The following SPINK6 variants were observed in gnomAD, a reference collection of about 807,000 sequenced individuals.
SPINK6 encodes the protein serine protease inhibitor Kazal-type 6.
In SPINK6, 13 loss-of-function variants were observed where a neutral mutation model predicts 11.7. That is an observed-to-expected ratio of 1.11 (90% confidence interval 0.72 to 1.76). The LOEUF (loss-of-function observed/expected upper bound fraction) is 1.76, where lower values mean the gene tolerates loss of function less well. Ranked by LOEUF, SPINK6 falls within the 40% of genes most tolerant of loss-of-function variation. The probability of loss-of-function intolerance (pLI) is 0.00; values close to 1 mark genes in which losing one functional copy is unlikely to be tolerated. For synonymous variants in SPINK6, 21 were observed against 31.9 expected, an observed-to-expected ratio of 0.66 and a Z score of 1.15; for missense variants, 98 against 93.7, an observed-to-expected ratio of 1.05 and a Z score of -0.19.
At chr5:148,207,856 A>T (rs896683087) in intron 2 of SPINK6, among the ~76,000 whole-genome samples, 1 of 152,126 alleles carries the variant, frequency 6.6e-6, no homozygotes, top group African/African-American at 2.4e-5. Flanking sequence ...AGATGGGCCA[A>T]AGTCTTATAG....
At chr5:148,205,579 C>T (rs1175027976) in intron 1 of SPINK6, among the ~76,000 whole-genome samples, 2 of 152,148 alleles carry the variant, frequency 1.3e-5, no homozygotes, top group Non-Finnish European at 2.9e-5. Flanking sequence ...GAACAAACTA[C>T]AAGCTTAATC....
intron 2 of SPINK6, among the ~76,000 whole-genome samples, chr5:148,210,203 T>C (rs62646182): frequency 9.9e-5 from 8 of 80,626 alleles, no homozygotes; most frequent in Non-Finnish European, 1.7e-4. Context: ...TGCATGCATA[T>C]GTATTTCTGC....
At chr5:148,203,240 G>C (rs1430219427) in intron 1 of SPINK6, 86 bp downstream of exon 1, 9 of 1,006,012 alleles carry the variant, frequency 8.9e-6, no homozygotes, top group Admixed American at 2.5e-5. Flanking sequence ...AAATCCTAAT[G>C]ATTTTGATGT....
chr5:148,209,009 A>G (rs911338809), intron 2 of SPINK6, among the ~76,000 whole-genome samples: 9 of 152,316 alleles, frequency 5.9e-5, no homozygotes, highest in African/African-American at 2.2e-4. Context: ...ATTTTCTGTT[A>G]CAATACTTTT....
rs550735909 is a variant in SPINK6 at position 148,214,330 on chromosome 5, A to G, written c.197+305A>G. 2.3e-3 allele frequency among the ~76,000 whole-genome samples: 344 copies of G among 152,268 alleles called. 2 individuals are homozygous for G. Among genetic ancestry groups the G allele is most frequent in the African/African-American group, 7.4e-3 (308 of 41,574 alleles). ...TAACTTATTATATTTAATAATTTTG[A>G]TATGTTTTAATGTTTTCATTTGTTT... On this transcript the variant is annotated intron_variant, in intron 3 of 3. Transcript: ENST00000325630.
At chr5:148,212,746 C>CAATATATAGTTTATAT (rs1755628749) in intron 2 of SPINK6, among the ~76,000 whole-genome samples, 1 of 123,236 alleles carries the variant, frequency 8.1e-6, no homozygotes, top group African/African-American at 3.1e-5. Flanking sequence ...TATATTTATA[C>CAATATATAGTTTATAT]ATTTTATATA....
intron 2 of SPINK6, among the ~76,000 whole-genome samples, chr5:148,213,003 T>C (rs1755632812): frequency 6.7e-6 from 1 of 149,622 alleles, no homozygotes; most frequent in African/African-American, 2.4e-5. Context: ...TTAGTATCTA[T>C]ATACTTTAGA....
At chr5:148,211,766 G>C (rs1370158681) in intron 2 of SPINK6, among the ~76,000 whole-genome samples, 1 of 152,150 alleles carries the variant, frequency 6.6e-6, no homozygotes, top group Non-Finnish European at 1.5e-5. Context: ...TATGCCACTT[G>C]ATTGATTTGC....
At chr5:148,212,671 T>C (rs1253616731) in intron 2 of SPINK6, among the ~76,000 whole-genome samples, 15 of 106,176 alleles carry the variant, frequency 1.4e-4, no homozygotes, top group African/African-American at 6.3e-4. Context: ...TATATTTATA[T>C]AATATATATT....
intron 2 of SPINK6, among the ~76,000 whole-genome samples, chr5:148,209,991 T>TACAAACGTACGTATGTATGTATAC (rs1398978551): frequency 6.9e-6 from 1 of 145,404 alleles, no homozygotes; most frequent in Admixed American, 6.8e-5. Flanking sequence ...TATGTATACA[T>TACAAACGTACGTATGTATGTATAC]ATACACGTAT....
chr5:148,212,231 T>C (rs1329691502), intron 2 of SPINK6, among the ~76,000 whole-genome samples: 2 of 151,890 alleles, frequency 1.3e-5, no homozygotes, highest in Non-Finnish European at 2.9e-5. Flanking sequence ...ATAACATATG[T>C]TCTCAACAAT....
At chr5:148,207,087 ATG>A (rs760572108) in intron 2 of SPINK6, among the ~76,000 whole-genome samples, 2 of 152,018 alleles carry the variant, frequency 1.3e-5, no homozygotes, top group African/African-American at 4.8e-5. Context: ...ACATGCACAC[ATG>A]TGTGTTGGCA....
At chr5:148,208,062 T>TG (rs1755523423) in intron 2 of SPINK6, among the ~76,000 whole-genome samples, 1 of 152,196 alleles carries the variant, frequency 6.6e-6, no homozygotes, top group African/African-American at 2.4e-5. Context: ...TGGGAAGCAT[T>TG]GGCTCTGGAG....
At chr5:148,204,581 T>C (rs1755473665) in intron 1 of SPINK6, among the ~76,000 whole-genome samples, 1 of 151,384 alleles carries the variant, frequency 6.6e-6, no homozygotes, top group African/African-American at 2.4e-5. Context: ...TTTATAGCTT[T>C]GTGAACTCTC....
At chr5:148,212,510 TTATA>T (rs1001193891) in intron 2 of SPINK6, among the ~76,000 whole-genome samples, 1 of 116,988 alleles carries the variant, frequency 8.5e-6, no homozygotes, top group African/African-American at 3.2e-5. Flanking sequence ...AGTATATATT[TTATA>T]TATATAAAGT....
intron 2 of SPINK6, among the ~76,000 whole-genome samples, chr5:148,209,979 T>TACATACATATGTAC (rs1554112238): frequency 6.9e-6 from 1 of 145,506 alleles, no homozygotes; most frequent in East Asian, 2.1e-4. Context: ...TACGTACGTA[T>TACATACATATGTAC]GTATGTATAC....
chr5:148,214,993 C>T lies in SPINK6; in HGVS notation c.*43C>T. ...TTGGTGACTTGCCAGCTTTTGCAGC[C>T]TTCTTTTCTCACTTCTGCTTATACT... On this transcript the variant is annotated 3_prime_UTR_variant, in exon 4 of 4. Transcript: ENST00000325630. The T allele has an allele frequency of 6.3e-7, 1 of 1,584,240 alleles. No homozygotes were observed. The highest frequency in any genetic ancestry group is 8.7e-7 in the Non-Finnish European group (1 of 1,153,368).
chr5:148,211,568 CAT>C (rs1178581646), intron 2 of SPINK6, among the ~76,000 whole-genome samples: 1 of 152,122 alleles, frequency 6.6e-6, no homozygotes. Context: ...TTAGGCATGA[CAT>C]GTGTTCCTTG....
intron 1 of SPINK6, among the ~76,000 whole-genome samples, chr5:148,203,741 A>G (rs1755463573): frequency 6.6e-6 from 1 of 152,176 alleles, no homozygotes; most frequent in Non-Finnish European, 1.5e-5. Context: ...GCAGAAACAT[A>G]TGTTTCTGGT....
Sources: allele counts gnomAD v4.1 joint callset (sites outside exome capture counted in the v4.1 genomes callset), GRCh38; gene constraint gnomAD v4.1.1; transcripts MANE v1.5; gene names NCBI Gene and HGNC (gene_info 2026-07-23, HGNC 2026-07-21).